EVC2: variants seen among roughly 807,000 people sequenced by gnomAD.
The protein encoded by EVC2 is EvC ciliary complex subunit 2, also known as limbin.
Under a neutral mutation model 149.3 loss-of-function variants are expected in EVC2, and 148 were observed. The ratio of observed to expected loss-of-function variants is 0.99; its 90% CI spans 0.87 to 1.14. The LOEUF is 1.14. EVC2 is among the 50% of genes most tolerant of loss of function. The pLI is 0.00. For missense variants in EVC2, 1,854 were observed against 1,627.3 expected, an observed-to-expected ratio of 1.14 and a Z score of -2.40; for synonymous variants, 776 against 649.9, an observed-to-expected ratio of 1.19 and a Z score of -2.95.
At chr4:5,668,214 G>A (rs951049107) in intron 7 of EVC2, among the ~76,000 whole-genome samples, 1 of 152,192 alleles carries the variant, frequency 6.6e-6, no homozygotes, top group African/African-American at 2.4e-5. Flanking sequence ...TTGTAGTCAA[G>A]GTTACATTTT....
At chr4:5,578,704 G>A (rs181389798) in intron 17 of EVC2, among the ~76,000 whole-genome samples, 210 of 152,142 alleles carry the variant, frequency 1.4e-3, no homozygotes, top group Admixed American at 2.9e-3. Context: ...ACACAGAAAC[G>A]GGGAGAGAGA....
rs773522883 is a variant in EVC2, at chr4:5,563,056, C to G, written c.3719G>C (p.Ser1240Thr). The G allele has an allele frequency of 6.8e-6, 11 of 1,614,042 alleles. No individual in the cohort carries two copies. The highest frequency in any genetic ancestry group is 1.3e-5 in the African/African-American group (1 of 74,928). ...GGGCTCCAGTGACAGGTGTGGCCAA[C>G]TTCCTTTTCCAGAGAATATCATCCT... Reference protein sequence around the residue: ...RERMIFSGKGSWPHLSLEPIG... With the variant: ...RERMIFSGKGTWPHLSLEPIG... Residue 1240 changes from serine (S) to threonine (T), a missense_variant, in exon 22 of 22, where the codon AGT (serine) becomes ACT (threonine). By Grantham distance (58) the Ser-to-Thr change is moderately conservative. Transcript: ENST00000344408.
chr4:5,698,474 G>T (rs1333370996), intron 1 of EVC2, among the ~76,000 whole-genome samples: 1 of 152,134 alleles, frequency 6.6e-6, no homozygotes, highest in Non-Finnish European at 1.5e-5. Context: ...AGCCTCCTCC[G>T]AGTCTGCTCA....
the EVC2 span, among the ~76,000 whole-genome samples, chr4:5,532,093 G>A: frequency 1.2e-4 from 18 of 152,116 alleles, no homozygotes; most frequent in African/African-American, 3.4e-4. Flanking sequence ...CCACAGATCC[G>A]GAACCATGGA....
intron 9 of EVC2, among the ~76,000 whole-genome samples, chr4:5,641,800 T>A (rs962210984): frequency 6.6e-6 from 1 of 152,212 alleles, no homozygotes; most frequent in African/African-American, 2.4e-5. Context: ...TACCTTAAGT[T>A]CTGGGATACA....
chr4:5,529,591 C>T, the EVC2 span, among the ~76,000 whole-genome samples: 1 of 152,264 alleles, frequency 6.6e-6, no homozygotes, highest in East Asian at 1.9e-4. The surrounding 1 kb of genome is among the most constrained non-coding windows in gnomAD (Gnocchi z 4.5). Context: ...CATCCTCTCA[C>T]TTATTGTGGT....
Position 5,636,186 on chromosome 4 carries a change from G to C in EVC2, c.1471-4154C>G, listed in dbSNP as rs578103501. ...GGGTAACGTGCCTACTGGAGGAAAA[G>C]AGGGAGGAAATAAACCCCAGCAACC... is the stretch of plus-strand genomic sequence containing the variant. On this transcript the variant is annotated intron_variant, in intron 10 of 21. Coordinates refer to ENST00000344408, the MANE Select transcript of EVC2 (RefSeq NM_147127.5). This position sits in a 1 kb window ranked among gnomAD's most constrained non-coding sequence, Gnocchi z 4.6. Among the ~76,000 whole-genome samples, 1 of 152,180 alleles carries C rather than the reference G, an allele frequency of 6.6e-6. No individual in the cohort carries two copies. Among genetic ancestry groups the C allele is most frequent in the African/African-American group, 2.4e-5 (1 of 41,448 alleles).
Position 5,625,198 on chromosome 4 carries a change from C to G in EVC2, c.2046+551G>C, listed in dbSNP as rs7662616. Among the ~76,000 whole-genome samples, 547 of 152,058 alleles carry G rather than the reference C, an allele frequency of 3.6e-3. 8 individuals are homozygous for G. The highest frequency in any genetic ancestry group is 0.013 in the African/African-American group (528 of 41,476). ...GCCCCCATTGACTTGCTGCTGCATT[C>G]CCTTCCAGGCCCTACCCTCGTCCCT... On this transcript the variant is annotated intron_variant, in intron 13 of 21. Coordinates refer to ENST00000344408, the MANE Select transcript of EVC2 (RefSeq NM_147127.5). This position sits in a 1 kb window ranked among gnomAD's most constrained non-coding sequence, Gnocchi z 4.0.
chr4:5,662,619 GATTA>G (rs554832912), intron 9 of EVC2, among the ~76,000 whole-genome samples: 88 of 137,032 alleles, frequency 6.4e-4, no homozygotes, highest in African/African-American at 2.3e-3. Context: ...AATATATTTA[GATTA>G]ATTATATTAA....
intron 11 of EVC2, among the ~76,000 whole-genome samples, chr4:5,631,568 G>GTC (rs1553837135): frequency 2.6e-5 from 2 of 75,574 alleles, no homozygotes; most frequent in East Asian, 9.3e-4. Context: ...GCAGTAGACT[G>GTC]GGGGGGGGAA....
At chr4:5,604,207 G>A (rs193284845) in intron 16 of EVC2, among the ~76,000 whole-genome samples, 52 of 152,276 alleles carry the variant, frequency 3.4e-4, no homozygotes, top group African/African-American at 1.0e-3. Flanking sequence ...AGTTGAGGGC[G>A]GATGAAATCA....
chr4:5,655,504 G>T (rs78040456), intron 9 of EVC2, among the ~76,000 whole-genome samples: 11,963 of 152,138 alleles, frequency 0.079, 574 homozygotes, highest in African/African-American at 0.13. Flanking sequence ...CGTTCCCTCT[G>T]CTGGAAATGC....
At chr4:5,639,972 G>C (rs1051506109) in intron 10 of EVC2, among the ~76,000 whole-genome samples, 1 of 152,178 alleles carries the variant, frequency 6.6e-6, no homozygotes, top group African/African-American at 2.4e-5. Flanking sequence ...GAGACAGTAA[G>C]TAATCAACAC....
chr4:5,577,609 A>C (rs6843160), intron 17 of EVC2, among the ~76,000 whole-genome samples: 54,618 of 151,972 alleles, frequency 0.36, 10,732 homozygotes, highest in East Asian at 0.86. Context: ...AGGGTCTCAA[A>C]GCCCCCTAAA....
In EVC2 at chr4:5,569,907, A is replaced by C. The variant is rs1452182824; in HGVS notation, c.3361-1267T>G. ...TGGCCTCCCTCCACTGTCACACTGAAATACTTGTTCTTCCCTGACCGTCCT... is the reference window on the plus strand; with the variant it reads ...TGGCCTCCCTCCACTGTCACACTGACATACTTGTTCTTCCCTGACCGTCCT... On this transcript the variant is annotated intron_variant, in intron 19 of 21. Transcript: ENST00000344408. The surrounding 1 kb of genome is among the most constrained non-coding windows in gnomAD (Gnocchi z 4.8). Among the ~76,000 whole-genome samples the C allele has an allele frequency of 6.6e-6, 1 of 152,078 alleles. No homozygotes were observed. The highest frequency in any genetic ancestry group is 2.4e-5 in the African/African-American group (1 of 41,422).
At position 5,605,890 on chromosome 4, in the gene EVC2, C is replaced by T. The variant is rs866403032; in HGVS notation, c.2829+9532G>A. On this transcript the variant is annotated intron_variant, in intron 16 of 21. Transcript: ENST00000344408. ...CATCTCCCCCTCAGGTCAACCGTAT[C>T]CTTGCTGTGGCATGAGACCTTCCTG... Among the ~76,000 whole-genome samples, 9 of 152,202 alleles carry T rather than the reference C, an allele frequency of 5.9e-5. 1 individual carries two copies. The South Asian group carries it at 1.4e-3, about 24-fold the overall frequency.
intron 16 of EVC2, among the ~76,000 whole-genome samples, chr4:5,592,376 A>G (rs1252419274): frequency 6.6e-6 from 1 of 152,196 alleles, no homozygotes; most frequent in Non-Finnish European, 1.5e-5. Flanking sequence ...TAGCGGTGCC[A>G]CTAGCAACAA....
chr4:5,593,171 C>T (rs1396910401), intron 16 of EVC2, among the ~76,000 whole-genome samples: 1 of 152,138 alleles, frequency 6.6e-6, no homozygotes, highest in Non-Finnish European at 1.5e-5. Context: ...CATTATAAAT[C>T]ACCCAGTCTC....
intron 9 of EVC2, among the ~76,000 whole-genome samples, chr4:5,650,669 A>AGAGAGC (rs1384318671): frequency 1.4e-4 from 19 of 139,608 alleles, no homozygotes; most frequent in African/African-American, 5.1e-4. Flanking sequence ...AGAGAGAGAG[A>AGAGAGC]GAGCCATTTA....
Sources: allele counts gnomAD v4.1 joint callset (sites outside exome capture counted in the v4.1 genomes callset), GRCh38; gene constraint gnomAD v4.1.1; non-coding constraint Gnocchi (gnomAD v3.1); transcripts MANE v1.5; gene names NCBI Gene and HGNC (gene_info 2026-07-23, HGNC 2026-07-21).